VWA3A: variants seen among roughly 807,000 people sequenced by gnomAD.
VWA3A encodes the protein von Willebrand factor A domain-containing protein 3A.
A neutral mutation model predicts 160.4 loss-of-function variants in VWA3A; 134 were observed. The ratio of observed to expected loss-of-function variants is 0.84; its 90% CI spans 0.73 to 0.96. The LOEUF (loss-of-function observed/expected upper bound fraction) is 0.96, where lower values mean the gene tolerates loss of function less well. VWA3A is among the 40% of genes least tolerant of loss of function. VWA3A has a pLI of 0.00. For missense variants in VWA3A, 1,310 were observed against 1,447.9 expected (o/e 0.90, Z 1.55); for synonymous variants, 476 against 543.4 (o/e 0.88, Z 1.72).
At position 22,109,518 on chromosome 16, in the gene VWA3A, C is replaced by T; in HGVS notation, c.520C>T (p.Leu174Phe). 21 of 1,612,566 alleles carry T rather than the reference C, an allele frequency of 1.3e-5. No individual in the cohort carries two copies. The highest frequency in any genetic ancestry group is 1.8e-5 in the Non-Finnish European group (21 of 1,179,404). Residue 174 changes from leucine (L) to phenylalanine (F), a missense_variant, in exon 7 of 34, where the codon CTC becomes TTC. By Grantham distance (22) the Leu-to-Phe change is conservative (BLOSUM62 0). Coordinates refer to ENST00000389398, the MANE Select transcript of VWA3A (RefSeq NM_173615.5). ...CATCAAAGGGGCCAGAGTCAGCATC[C>T]TCATAGATGTGTCAGCCATCAGCAG... ...GLIKGARVSILIDVSAISSGP... is the reference protein window; with the variant it reads ...GLIKGARVSIFIDVSAISSGP...
intron 1 of VWA3A, among the ~76,000 whole-genome samples, chr16:22,095,311 A>C (rs1222298096): frequency 1.3e-5 from 2 of 152,214 alleles, no homozygotes; most frequent in Admixed American, 6.5e-5. Flanking sequence ...ACAGCAGCAC[A>C]TGAAAAGTCC....
chr16:22,136,811 T>A (rs1259706887), intron 21 of VWA3A, among the ~76,000 whole-genome samples: 1 of 151,788 alleles, frequency 6.6e-6, no homozygotes, highest in Non-Finnish European at 1.5e-5. Flanking sequence ...GGCAGGCAGA[T>A]CACAAGGTCA....
At chr16:22,097,285 C>T (rs1021374173) in intron 2 of VWA3A, among the ~76,000 whole-genome samples, 2 of 151,562 alleles carry the variant, frequency 1.3e-5, no homozygotes, top group African/African-American at 2.4e-5. Flanking sequence ...ATTTTGCAAA[C>T]GAAAACAGCA....
intron 9 of VWA3A, chr16:22,116,299 G>A (rs1369573545): frequency 5.4e-6 from 2 of 372,960 alleles, no homozygotes; most frequent in Non-Finnish European, 1.0e-5. Flanking sequence ...AAAGAAGGAA[G>A]AGAGAAAAAA....
Position 22,132,706 on chromosome 16 carries a change from C to T in VWA3A, c.1873-194C>T, listed in dbSNP as rs753541720. The T allele has an allele frequency of 2.3e-4, 135 of 592,396 alleles. 1 individual carries two copies. Among genetic ancestry groups the T allele is most frequent in the Non-Finnish European group, 3.5e-4 (118 of 340,392 alleles). 36.7% of individuals were successfully genotyped at this position (592,396 alleles called of 1,614,324 possible). A position where few individuals can be genotyped will look rare whatever the true frequency, so the allele number is the denominator to read the frequency against. ...CCTGGTATCAGGAGGCTCTCAGGTCCAGCTCCCCAACCACACTCTGTTAAA... is the reference window on the plus strand; with the variant it reads ...CCTGGTATCAGGAGGCTCTCAGGTCTAGCTCCCCAACCACACTCTGTTAAA... On this transcript the variant is annotated intron_variant, in intron 19 of 33. Coordinates refer to ENST00000389398, the MANE Select transcript of VWA3A (RefSeq NM_173615.5).
chr16:22,123,490 C>T (rs771477241), intron 15 of VWA3A, 123 bp from the exon 16 acceptor site: 19 of 1,588,656 alleles, frequency 1.2e-5, no homozygotes, highest in Admixed American at 1.8e-5. Flanking sequence ...GATTATACTG[C>T]CTGGATTCCC....
intron 12 of VWA3A, 138 bp downstream of exon 12, chr16:22,119,165 C>T: frequency 8.3e-7 from 1 of 1,207,806 alleles, no homozygotes; most frequent in Non-Finnish European, 1.1e-6. Context: ...GCAAGGCCCA[C>T]CCTCCATTGC....
At chr16:22,121,435 C>T in intron 13 of VWA3A, 79 bp from the exon 14 acceptor site, 1 of 1,194,716 alleles carries the variant, frequency 8.4e-7, no homozygotes, top group Non-Finnish European at 1.2e-6. Flanking sequence ...CAGAGCAAAA[C>T]CCTGTCTCAA....
chr16:22,108,846 T>C (rs545554483), intron 6 of VWA3A, among the ~76,000 whole-genome samples: 2 of 152,228 alleles, frequency 1.3e-5, no homozygotes, highest in Non-Finnish European at 2.9e-5. Context: ...TTTCCACTTA[T>C]GATGGGTTTA....
In VWA3A at chr16:22,155,650, G is replaced by A. The variant is rs756885390; in HGVS notation, c.3489G>A (p.Gln1163=). The A allele has an allele frequency of 1.2e-6, 2 of 1,613,914 alleles. No homozygotes were observed. Among genetic ancestry groups the A allele is most frequent in the South Asian group, 1.1e-5 (1 of 91,076 alleles). The change falls in exon 32 of 34, where the codon CAG becomes CAA. Residue 1163 remains glutamine, a synonymous_variant. Coordinates refer to ENST00000389398, the MANE Select transcript of VWA3A (RefSeq NM_173615.5). The part of the protein sequence containing the change: ...EITKARSFLW[Q]AQSFRSQLQK... ...CCAAGGCCAGAAGCTTCCTCTGGCA[G>A]GCCCAATCCTTCAGGTATGCCCTTC...
Position 22,140,376 on chromosome 16 carries a change from G to A in VWA3A, c.2383+132G>A, listed in dbSNP as rs1427576438. 8.9e-6 allele frequency: 7 copies of A among 785,978 alleles called. No homozygotes were observed. The East Asian group carries it at 2.0e-4, about 23-fold the overall frequency. The allele number at this position is 785,978 out of a possible 1,614,324, so 48.7% of individuals were successfully genotyped here. ...TAATCCCAGCACTTTTGGAGGCTGA[G>A]GTGGAAGGATCACTTGAGGTCAGGA... On this transcript the variant is annotated intron_variant, in intron 23 of 33. Coordinates refer to ENST00000389398, the MANE Select transcript of VWA3A (RefSeq NM_173615.5).
At chr16:22,100,343 C>G (rs2045389257) in intron 4 of VWA3A, 25 bp downstream of exon 4, 1 of 1,551,416 alleles carries the variant, frequency 6.4e-7, no homozygotes, top group African/African-American at 1.4e-5. Context: ...GTTCCCCGCA[C>G]CCCCCACAGC....
chr16:22,130,441 G>C (rs947918305), intron 17 of VWA3A, among the ~76,000 whole-genome samples: 1 of 152,110 alleles, frequency 6.6e-6, no homozygotes, highest in Admixed American at 6.5e-5. Flanking sequence ...GTGGGGCAAA[G>C]TCTCAGAAGA....
rs538052193 is a variant in VWA3A at position 22,131,676 on chromosome 16, C to T, written c.1819C>T (p.His607Tyr). 1 of 1,613,990 alleles carries T rather than the reference C, an allele frequency of 6.2e-7. No homozygotes were observed. The highest frequency in any genetic ancestry group is 1.3e-5 in the African/African-American group (1 of 75,070). ...AGTAGACTTCAAGGACAAAGACAAA[C>T]ACCAATCGCAGGGAATCTACCTCTT... is the stretch of plus-strand genomic sequence containing the variant. The part of the protein sequence containing the change: ...VEVDFKDKDK[H>Y]QSQGIYLFTG... Residue 607 changes from histidine (H) to tyrosine (Y), a missense_variant, in exon 19 of 34, where the codon CAC (histidine) becomes TAC (tyrosine). Physicochemically the swap from His to Tyr is moderately conservative, Grantham distance 83. Coordinates refer to ENST00000389398, the MANE Select transcript of VWA3A (RefSeq NM_173615.5).
intron 15 of VWA3A, 64 bp downstream of exon 15, chr16:22,123,229 C>T: frequency 6.8e-7 from 1 of 1,468,504 alleles, no homozygotes; most frequent in South Asian, 1.2e-5. Flanking sequence ...AGGAAGGTTC[C>T]CTGGGCTATG....
At chr16:22,132,461 T>C (rs1004199819) in intron 19 of VWA3A, among the ~76,000 whole-genome samples, 1 of 152,064 alleles carries the variant, frequency 6.6e-6, no homozygotes, top group South Asian at 2.1e-4. Flanking sequence ...GGCAGAAGGA[T>C]TGCTTGAGCC....
intron 6 of VWA3A, among the ~76,000 whole-genome samples, chr16:22,108,577 G>A (rs960291859): frequency 6.6e-6 from 1 of 152,156 alleles, no homozygotes; most frequent in Non-Finnish European, 1.5e-5. Flanking sequence ...AGGGAGTGCT[G>A]GAGGTGTGAG....
chr16:22,149,746 C>A, intron 28 of VWA3A, 41 bp from the exon 29 acceptor site: 2 of 1,559,238 alleles, frequency 1.3e-6, no homozygotes, highest in South Asian at 1.2e-5. Flanking sequence ...ATCTCTTTCT[C>A]CCCTTCTCTG....
intron 1 of VWA3A, 141 bp from the exon 2 acceptor site, chr16:22,096,718 C>T (rs1395191235): frequency 1.7e-6 from 1 of 590,828 alleles, no homozygotes; most frequent in Non-Finnish European, 3.0e-6. Context: ...GTACTCCAGC[C>T]TGGGCAACTA....
Sources: allele counts gnomAD v4.1 joint callset (sites outside exome capture counted in the v4.1 genomes callset), GRCh38; gene constraint gnomAD v4.1.1; transcripts MANE v1.5; gene names NCBI Gene and HGNC (gene_info 2026-07-23, HGNC 2026-07-21).